Variants in STK31 observed in about 807,000 individuals in gnomAD.
STK31 encodes serine/threonine kinase 31.
A neutral mutation model predicts 129.7 loss-of-function variants in STK31; 89 were observed. That is an observed-to-expected ratio of 0.69 (90% CI 0.58 to 0.82). The LOEUF (loss-of-function observed/expected upper bound fraction) is 0.82. STK31 is among the 40% of genes least tolerant of loss of function. STK31 has a pLI of 0.00. For synonymous variants in STK31, 448 were observed against 395.3 expected (o/e 1.13, Z -1.58); for missense variants, 1,187 against 1,176.4 (o/e 1.01, Z -0.13).
At position 23,785,567 on chromosome 7, in the gene STK31, ACGT is replaced by A. The variant is rs1791220284; in HGVS notation, c.2239_2241del (p.Arg747del). 9 of 1,613,810 alleles carry A rather than the reference ACGT, an allele frequency of 5.6e-6. No individual in the cohort carries two copies. Among genetic ancestry groups the A allele is most frequent in the African/African-American group, 2.7e-5 (2 of 74,896 alleles). ...AACTTAGCAGCAAGCGTCCTTTGGT[ACGT>A]TCTGAGGTTAATGGGCAGATAATTC... On this transcript the variant is annotated inframe_deletion, in exon 18 of 24. Transcript: ENST00000355870.
chr7:23,715,528 G>C (rs558019859), intron 3 of STK31, among the ~76,000 whole-genome samples: 1 of 151,804 alleles, frequency 6.6e-6, no homozygotes, highest in Non-Finnish European at 1.5e-5. Context: ...CTGAGGGTGG[G>C]AAGATTGCCT....
intron 15 of STK31, among the ~76,000 whole-genome samples, chr7:23,778,702 C>G (rs1017645032): frequency 6.6e-6 from 1 of 151,948 alleles, no homozygotes; most frequent in African/African-American, 2.4e-5. Flanking sequence ...ATGTTCTTCT[C>G]TAAACAGGTT....
intron 3 of STK31, among the ~76,000 whole-genome samples, chr7:23,715,289 A>G (rs1187578309): frequency 6.6e-6 from 1 of 152,072 alleles, no homozygotes; most frequent in Non-Finnish European, 1.5e-5. Context: ...AGCTGAAGGA[A>G]TCTGACGTAT....
chr7:23,751,740 A>C (rs6966588), intron 8 of STK31, among the ~76,000 whole-genome samples: 2 of 152,188 alleles, frequency 1.3e-5, no homozygotes. Flanking sequence ...AAAAAGTTCT[A>C]TTATTATGCA....
chr7:23,746,575 C>G (rs1788367804), intron 8 of STK31, among the ~76,000 whole-genome samples: 1 of 152,266 alleles, frequency 6.6e-6, no homozygotes, highest in African/African-American at 2.4e-5. Context: ...ATAATGTAAT[C>G]TAACAAACAC....
At chr7:23,798,897 G>C (rs546880692) in intron 22 of STK31, among the ~76,000 whole-genome samples, 1 of 152,264 alleles carries the variant, frequency 6.6e-6, no homozygotes, top group East Asian at 1.9e-4. Context: ...CTTCAGCAAA[G>C]TCTCAGGATA....
Position 23,781,437 on chromosome 7 carries a change from T to C in STK31, c.1984T>C (p.Ser662Pro). The change falls in exon 16 of 24, where the codon TCT becomes CCT. Residue 662 changes from serine to proline, a missense_variant. This residue lies in a region of STK31 where 975 missense variants were observed against 934.9 expected (regional missense o/e 1.04). Coordinates refer to ENST00000355870, the MANE Select transcript of STK31 (RefSeq NM_031414.5). ...ATTCAAGTCAGATGATCCTGATGGCTCTCAAATTGAGAAAATAAAAGAAGA... is the reference window on the plus strand; with the variant it reads ...ATTCAAGTCAGATGATCCTGATGGCCCTCAAATTGAGAAAATAAAAGAAGA... The part of the protein sequence containing the change: ...NLEESDDPDG[S>P]QIEKIKEEIT... 6.2e-7 allele frequency: 1 copy of C among 1,610,576 alleles called. No homozygotes were observed. The highest frequency in any genetic ancestry group is 8.5e-7 in the Non-Finnish European group (1 of 1,178,838).
intron 4 of STK31, among the ~76,000 whole-genome samples, chr7:23,720,842 C>G (rs1045544210): frequency 3.9e-5 from 6 of 152,132 alleles, no homozygotes; most frequent in African/African-American, 1.4e-4. Flanking sequence ...TACAGCATCC[C>G]AGCAACAGTG....
intron 22 of STK31, among the ~76,000 whole-genome samples, chr7:23,800,239 A>G (rs1792282634): frequency 6.6e-6 from 1 of 152,218 alleles, no homozygotes; most frequent in Admixed American, 6.5e-5. Flanking sequence ...CTGGGTATAT[A>G]CCCAAAGGAT....
In STK31 at chr7:23,781,449, A is replaced by C. The variant is rs1463013875; in HGVS notation, c.1996A>C (p.Lys666Gln). 1.1e-5 allele frequency: 17 copies of C among 1,611,406 alleles called. No homozygotes were observed. Among genetic ancestry groups the C allele is most frequent in the Non-Finnish European group, 1.2e-5 (14 of 1,179,094 alleles). ...SDDPDGSQIE[K>Q]IKEEITQLRN... ...TGATCCTGATGGCTCTCAAATTGAG[A>C]AAATAAAAGAAGAAATAACTCAGCT... The change falls in exon 16 of 24, where the codon AAA becomes CAA. Residue 666 changes from lysine to glutamine, a missense_variant. Physicochemically the swap from Lys to Gln is moderately conservative, Grantham distance 53. Transcript: ENST00000355870.
intron 10 of STK31, among the ~76,000 whole-genome samples, chr7:23,759,506 G>A (rs963693326): frequency 3.9e-5 from 6 of 152,184 alleles, no homozygotes; most frequent in Non-Finnish European, 7.4e-5. Context: ...TGGAGATATT[G>A]TAATGATAGT....
At chr7:23,830,873 A>G (rs572821279) in intron 23 of STK31, among the ~76,000 whole-genome samples, 2 of 151,944 alleles carry the variant, frequency 1.3e-5, no homozygotes, top group South Asian at 4.2e-4. Context: ...ACCTGCCTCC[A>G]CCTCCCAAAG....
At chr7:23,825,412 G>A (rs141447840) in intron 23 of STK31, among the ~76,000 whole-genome samples, 44,063 of 152,020 alleles carry the variant, frequency 0.29, 6,809 homozygotes, top group African/African-American at 0.4. Flanking sequence ...TTCTCTGATG[G>A]TAGTTTGTAT....
chr7:23,801,818 T>C (rs1420443450), intron 22 of STK31, among the ~76,000 whole-genome samples: 1 of 152,162 alleles, frequency 6.6e-6, no homozygotes, highest in Non-Finnish European at 1.5e-5. Context: ...TTGAATTGTC[T>C]TTGTATCTTT....
intron 15 of STK31, among the ~76,000 whole-genome samples, chr7:23,776,152 C>A (rs541267551): frequency 1.5e-4 from 23 of 152,344 alleles, no homozygotes; most frequent in Non-Finnish European, 2.9e-4. Flanking sequence ...ATATTTTGAA[C>A]CAGCGTTGCA....
chr7:23,741,219 TC>T (rs1788037149), intron 8 of STK31, among the ~76,000 whole-genome samples: 1 of 152,206 alleles, frequency 6.6e-6, no homozygotes, highest in Admixed American at 6.5e-5. Context: ...CATCTGCATT[TC>T]CTACCCTAAT....
intron 22 of STK31, among the ~76,000 whole-genome samples, chr7:23,793,432 A>G (rs113317962): frequency 6.6e-6 from 1 of 152,226 alleles, no homozygotes; most frequent in African/African-American, 2.4e-5. Context: ...TTCTAAAGAC[A>G]TTGTCACAAA....
At chr7:23,803,279 A>G (rs1298416631) in intron 22 of STK31, among the ~76,000 whole-genome samples, 1 of 152,200 alleles carries the variant, frequency 6.6e-6, no homozygotes, top group Non-Finnish European at 1.5e-5. Context: ...TAAAAAGGTA[A>G]TATTCAGAGT....
intron 15 of STK31, among the ~76,000 whole-genome samples, chr7:23,774,437 C>A (rs540299567): frequency 6.6e-6 from 1 of 152,192 alleles, no homozygotes; most frequent in African/African-American, 2.4e-5. Flanking sequence ...ATCCTCCCCA[C>A]TGTCTGTTGT....
Sources: gnomAD v4.1 joint callset for allele counts (sites outside exome capture counted in the v4.1 genomes callset) on GRCh38, gnomAD v4.1.1 for gene constraint, gnomAD v4.1.1 regional missense constraint, MANE v1.5 for transcripts, NCBI Gene and HGNC (gene_info 2026-07-23, HGNC 2026-07-21) for gene names.